PSMD3: variants seen among roughly 807,000 people sequenced by gnomAD.
PSMD3 encodes the protein 26S proteasome non-ATPase regulatory subunit 3.
PSMD3 carries 5 observed loss-of-function variants against 62.8 expected under a neutral mutation model. The observed-to-expected ratio is 0.08, with a 90% confidence interval of 0.04 to 0.17. PSMD3 has a LOEUF of 0.17. PSMD3 is among the 10% of genes least tolerant of loss of function. The pLI is 1.00. For synonymous variants in PSMD3, 265 were observed against 283.9 expected (o/e 0.93, Z 0.67); for missense variants, 524 against 713.6 (o/e 0.73, Z 3.03).
Position 39,997,685 on chromosome 17 carries a change from T to A in PSMD3, c.*104T>A. On this transcript the variant is annotated 3_prime_UTR_variant, in exon 12 of 12. Coordinates refer to ENST00000264639, the MANE Select transcript of PSMD3 (RefSeq NM_002809.4). ...CCCATTTTCCCACACACAGCTCATATGCTGCATTCGTGCAGGGGGTGGGGG... is the reference window on the plus strand; with the variant it reads ...CCCATTTTCCCACACACAGCTCATAAGCTGCATTCGTGCAGGGGGTGGGGG... 1 of 1,334,852 alleles carries A rather than the reference T, an allele frequency of 7.5e-7. No individual in the cohort carries two copies. Among genetic ancestry groups the A allele is most frequent in the Non-Finnish European group, 1.0e-6 (1 of 953,346 alleles). 82.7% of individuals were successfully genotyped at this position (1,334,852 alleles called of 1,614,324 possible).
In PSMD3 at chr17:39,994,947, T is replaced by C; in HGVS notation, c.982-7T>C. On this transcript the variant is annotated splice_region_variant and splice_polypyrimidine_tract_variant and intron_variant, in intron 6 of 11. Coordinates refer to ENST00000264639, the MANE Select transcript of PSMD3 (RefSeq NM_002809.4). ...TGCCCACTGTGTTCCCCTGTCACTC[T>C]GTCCAGGTGCACAAGCTTCTCATCG... The C allele has an allele frequency of 6.2e-7, 1 of 1,613,726 alleles. No individual in the cohort carries two copies.
At chr17:39,991,530 G>A (rs1251623979) in intron 6 of PSMD3, among the ~76,000 whole-genome samples, 1 of 152,180 alleles carries the variant, frequency 6.6e-6, no homozygotes, top group African/African-American at 2.4e-5. Context: ...TGTATGTGAA[G>A]TCACAGAGCC....
chr17:39,990,052 G>A, intron 5 of PSMD3, 42 bp from the exon 6 acceptor site: 1 of 1,599,132 alleles, frequency 6.3e-7, no homozygotes. Flanking sequence ...GGAGTTGGAT[G>A]ACCCTACTCT....
At position 39,981,116 on chromosome 17, in the gene PSMD3, G is replaced by A. The variant is rs970741642; in HGVS notation, c.146G>A (p.Gly49Glu). 6.4e-7 allele frequency: 1 copy of A among 1,550,758 alleles called. No individual in the cohort carries two copies. Among genetic ancestry groups the A allele is most frequent in the African/African-American group, 1.4e-5 (1 of 73,168 alleles). The change falls in exon 1 of 12, where the codon GGG becomes GAG. Residue 49 changes from glycine (G) to glutamate (E), a missense_variant. Gly to Glu is a moderately conservative substitution (Grantham distance 98). Transcript: ENST00000264639. ...EEAATGGGST[G>E]EADGKTAAAA... ...GCAGCGACGGGTGGCGGGTCGACGGGGGAGGCAGACGGCAAGACGGCGGCG... is the reference window on the plus strand; with the variant it reads ...GCAGCGACGGGTGGCGGGTCGACGGAGGAGGCAGACGGCAAGACGGCGGCG...
chr17:39,982,207 A>G (rs574522888), intron 1 of PSMD3, among the ~76,000 whole-genome samples: 1 of 152,356 alleles, frequency 6.6e-6, no homozygotes, highest in Non-Finnish European at 1.5e-5. Flanking sequence ...AACAGGATCG[A>G]TATTTAATAG....
At position 39,980,871 on chromosome 17, in the gene PSMD3, G is replaced by C. The variant is rs973276057; in HGVS notation, c.-100G>C. 9.3e-7 allele frequency: 1 copy of C among 1,076,998 alleles called. No homozygotes were observed. The highest frequency in any genetic ancestry group is 1.7e-5 in the African/African-American group (1 of 59,692). 66.7% of individuals were successfully genotyped at this position (1,076,998 alleles called of 1,614,324 possible). Reference sequence around the variant, plus strand: ...TCATCGTGCGGCCCGACGCTATCTCGCGCTCGTGTGCAGGCCCGGCTCGGC... The same window carrying C: ...TCATCGTGCGGCCCGACGCTATCTCCCGCTCGTGTGCAGGCCCGGCTCGGC... On this transcript the variant is annotated 5_prime_UTR_variant, in exon 1 of 12. Transcript: ENST00000264639.
chr17:39,983,629 A>G (rs936226481), intron 1 of PSMD3, among the ~76,000 whole-genome samples: 3 of 152,192 alleles, frequency 2.0e-5, no homozygotes, highest in Admixed American at 6.5e-5. Flanking sequence ...AGTCAAGCCC[A>G]TTAATCTTTT....
chr17:39,983,693 A>G (rs898177653), intron 1 of PSMD3, among the ~76,000 whole-genome samples: 2 of 152,144 alleles, frequency 1.3e-5, no homozygotes, highest in Non-Finnish European at 2.9e-5. Flanking sequence ...TTCCATTAAG[A>G]TCTGATAAAT....
At position 39,996,176 on chromosome 17, in the gene PSMD3, C is replaced by A. The variant is rs1454888613; in HGVS notation, c.1321-7C>A. On this transcript the variant is annotated splice_region_variant and splice_polypyrimidine_tract_variant and intron_variant, in intron 9 of 11. Transcript: ENST00000264639. This position sits in a 1 kb window ranked among gnomAD's most constrained non-coding sequence, Gnocchi z 5.1. The stretch of plus-strand genomic sequence containing the variant: ...GCTGGTGAACTTTCCTCTTTGGGGG[C>A]CTGCAGGCCATCCGGGATGGTGTCA... 6.2e-7 allele frequency: 1 copy of A among 1,613,660 alleles called. No individual in the cohort carries two copies. Among genetic ancestry groups the A allele is most frequent in the Non-Finnish European group, 8.5e-7 (1 of 1,179,954 alleles).
intron 1 of PSMD3, among the ~76,000 whole-genome samples, chr17:39,983,833 G>A (rs1445935485): frequency 6.6e-6 from 1 of 152,140 alleles, no homozygotes; most frequent in Non-Finnish European, 1.5e-5. Context: ...TGTGGAATCT[G>A]TAAATATTAT....
intron 1 of PSMD3, 107 bp from the exon 2 acceptor site, chr17:39,984,186 TG>T: frequency 1.0e-6 from 1 of 978,566 alleles, no homozygotes; most frequent in Non-Finnish European, 1.4e-6. Context: ...GGCGACAGAG[TG>T]AGACTCCGTC....
rs1036825092 is a variant in PSMD3 at position 39,984,336 on chromosome 17, G to T, written c.263G>T (p.Gly88Val). 6.2e-7 allele frequency: 1 copy of T among 1,613,566 alleles called. No homozygotes were observed. Among genetic ancestry groups the T allele is most frequent in the African/African-American group, 1.3e-5 (1 of 74,882 alleles). The change falls in exon 2 of 12, where the codon GGC (glycine) becomes GTC (valine). Residue 88 changes from glycine to valine, a missense_variant. Around this residue, in one of 4 missense-constraint regions of PSMD3, gnomAD observed 396 missense variants for 475.8 expected, o/e 0.83. Transcript: ENST00000264639. The stretch of plus-strand genomic sequence containing the variant: ...AAACAGCTAGAGAAAGCGGTTTCAG[G>T]CAAGGAGCCGAGATTCGTGCTGCGG... The part of the protein sequence containing the change: ...HVKQLEKAVS[G>V]KEPRFVLRAL...
chr17:39,982,645 T>C (rs1223518932), intron 1 of PSMD3, among the ~76,000 whole-genome samples: 7 of 152,240 alleles, frequency 4.6e-5, no homozygotes, highest in African/African-American at 1.4e-4. Flanking sequence ...TATTGGGTTG[T>C]TGTGAACATT....
intron 5 of PSMD3, 53 bp from the exon 6 acceptor site, chr17:39,990,041 G>A (rs1980617980): frequency 6.3e-7 from 1 of 1,596,664 alleles, no homozygotes; most frequent in East Asian, 2.2e-5. Flanking sequence ...CTTGTCGGTG[G>A]GGAGTTGGAT....
intron 6 of PSMD3, chr17:39,993,696 C>T (rs928472648): frequency 6.6e-6 from 1 of 152,306 alleles, no homozygotes; most frequent in African/African-American, 2.4e-5. Context: ...TCCAGCAGCC[C>T]AGCTTACATT....
chr17:39,994,660 T>G, intron 6 of PSMD3: 1 of 416,210 alleles, frequency 2.4e-6, no homozygotes, highest in East Asian at 5.1e-5. Context: ...TGGCCTCACT[T>G]TAGAGCACTG....
At chr17:39,981,351 C>G (rs950645172) in intron 1 of PSMD3, among the ~76,000 whole-genome samples, 161 bp downstream of exon 1, 1 of 152,230 alleles carries the variant, frequency 6.6e-6, no homozygotes. Flanking sequence ...CGACTCCAGG[C>G]CCAATGACTG....
intron 1 of PSMD3, among the ~76,000 whole-genome samples, chr17:39,981,464 T>G: frequency 6.6e-6 from 1 of 152,214 alleles, no homozygotes; most frequent in Admixed American, 6.5e-5. Context: ...GGACTCCCTC[T>G]TTTAAGTCCT....
chr17:39,988,784 C>G lies in PSMD3; in HGVS notation c.651C>G (p.Val217=). 1 of 1,614,096 alleles carries G rather than the reference C, an allele frequency of 6.2e-7. No homozygotes were observed. Among genetic ancestry groups the G allele is most frequent in the South Asian group, 1.1e-5 (1 of 91,068 alleles). Reference sequence around the variant, plus strand: ...AGTGTTACTATTATCACGCCCGGGTCTATGAGTTCCTGGACAAGCTGGATG... The same window carrying G: ...AGTGTTACTATTATCACGCCCGGGTGTATGAGTTCCTGGACAAGCTGGATG... ...AAKCYYYHAR[V]YEFLDKLDVV... The change falls in exon 4 of 12, where the codon GTC becomes GTG. Residue 217 remains valine (V), a synonymous_variant. Transcript: ENST00000264639.
Sources: allele counts gnomAD v4.1 joint callset (sites outside exome capture counted in the v4.1 genomes callset), GRCh38; gene constraint gnomAD v4.1.1; regional missense constraint gnomAD v4.1.1; non-coding constraint Gnocchi (gnomAD v3.1); transcripts MANE v1.5; gene names NCBI Gene and HGNC (gene_info 2026-07-23, HGNC 2026-07-21).